The following TMC3 variants were observed in gnomAD, a reference collection of about 807,000 sequenced individuals.
TMC3 encodes transmembrane channel like 3.
TMC3 carries 98 observed loss-of-function variants against 110.6 expected under a neutral mutation model. The ratio of observed to expected loss-of-function variants is 0.89; its 90% confidence interval spans 0.75 to 1.05. The LOEUF (loss-of-function observed/expected upper bound fraction) is 1.05. Among genes scored for constraint, TMC3 ranks in the 50% least tolerant of loss-of-function variants. The pLI is 0.00. For synonymous variants in TMC3, 489 were observed against 513.1 expected, an observed-to-expected ratio of 0.95 and a Z score of 0.63; for missense variants, 1,319 against 1,373.2, an observed-to-expected ratio of 0.96 and a Z score of 0.62.
At chr15:81,340,950 G>A (rs1244804047) in intron 16 of TMC3, among the ~76,000 whole-genome samples, 5 of 152,214 alleles carry the variant, frequency 3.3e-5, no homozygotes, top group Non-Finnish European at 7.3e-5. Flanking sequence ...TACTGTGTGT[G>A]TGTGTGATTA....
At chr15:81,339,526 T>C (rs748878543) in intron 16 of TMC3, 22 bp from the exon 17 acceptor site, 1 of 1,553,468 alleles carries the variant, frequency 6.4e-7, no homozygotes, top group Admixed American at 1.9e-5. Context: ...TCAGATGTCA[T>C]GTGTTAAGTT....
intron 11 of TMC3, among the ~76,000 whole-genome samples, chr15:81,349,029 C>T (rs1345560348): frequency 6.6e-6 from 1 of 151,918 alleles, no homozygotes; most frequent in African/African-American, 2.4e-5. Flanking sequence ...CAGGGTTTCT[C>T]CATGTTGGTC....
intron 13 of TMC3, 104 bp from the exon 14 acceptor site, chr15:81,344,149 C>T: frequency 1.6e-6 from 2 of 1,242,976 alleles, no homozygotes; most frequent in Non-Finnish European, 2.2e-6. Context: ...GGGCCCCAGC[C>T]AGTGGGCCCC....
At position 81,344,854 on chromosome 15, in the gene TMC3, G is replaced by A; in HGVS notation, c.1430C>T (p.Ala477Val). The A allele has an allele frequency of 6.2e-7, 1 of 1,613,966 alleles. No homozygotes were observed. Among genetic ancestry groups the A allele is most frequent in the Non-Finnish European group, 8.5e-7 (1 of 1,179,894 alleles). ...GGCCTTTATAAGAGGCATGGTATAA[G>A]CTGAAATGCTGGTCTCTTCCAAGGC... ...TWALEETSIS[A>V]YTMPLIKANK... The change falls in exon 13 of 22, where the codon GCT (alanine) becomes GTT (valine). Residue 477 changes from alanine to valine, a missense_variant. Ala to Val is a moderately conservative substitution (Grantham distance 64). Coordinates refer to ENST00000359440, the MANE Select transcript of TMC3 (RefSeq NM_001080532.3).
At position 81,344,920 on chromosome 15, in the gene TMC3, G is replaced by A. The variant is rs1893793174; in HGVS notation, c.1364C>T (p.Thr455Ile). ...CCTGAGCCCCATTCCAGGCCGAGAT[G>A]TGGACCATTTCTCTTCTTCAGGGGC... ...RTAPEEEKWS[T>I]SRPGMGLRRN... The change falls in exon 13 of 22, where the codon ACA becomes ATA. Residue 455 changes from threonine to isoleucine, a missense_variant. Transcript: ENST00000359440. 45 of 1,613,758 alleles carry A rather than the reference G, an allele frequency of 2.8e-5. No individual in the cohort carries two copies. Among genetic ancestry groups the A allele is most frequent in the Non-Finnish European group, 3.7e-5 (44 of 1,179,870 alleles).
At chr15:81,338,903 C>A in intron 17 of TMC3, 123 bp from the exon 18 acceptor site, 1 of 1,059,630 alleles carries the variant, frequency 9.4e-7, no homozygotes, top group Non-Finnish European at 1.4e-6. Flanking sequence ...GATTTCATAT[C>A]TAATTAATAT....
intron 18 of TMC3, 132 bp from the exon 19 acceptor site, chr15:81,338,056 G>A (rs763204059): frequency 3.2e-5 from 22 of 694,910 alleles, no homozygotes; most frequent in Non-Finnish European, 5.4e-5. Flanking sequence ...CTGACCCTCC[G>A]CTAAGGACAA....
At chr15:81,354,862 T>C (rs895038155) in intron 9 of TMC3, among the ~76,000 whole-genome samples, 1 of 111,586 alleles carries the variant, frequency 9.0e-6, no homozygotes, top group Non-Finnish European at 1.7e-5. Flanking sequence ...TGGCACAGTA[T>C]GTTGTTATTA....
chr15:81,361,402 G>A (rs551849086), intron 4 of TMC3, among the ~76,000 whole-genome samples: 2 of 152,196 alleles, frequency 1.3e-5, no homozygotes, highest in South Asian at 4.1e-4. Flanking sequence ...GTCTGTCCCT[G>A]AATTTTTTGC....
At chr15:81,362,493 G>T (rs190433285) in intron 3 of TMC3, among the ~76,000 whole-genome samples, 192 bp from the exon 4 acceptor site, 1 of 152,120 alleles carries the variant, frequency 6.6e-6, no homozygotes, top group East Asian at 1.9e-4. Context: ...CCAGGTGAAT[G>T]GACACCAGCT....
intron 3 of TMC3, among the ~76,000 whole-genome samples, chr15:81,362,636 A>C (rs1262605527): frequency 6.6e-6 from 1 of 152,176 alleles, no homozygotes; most frequent in African/African-American, 2.4e-5. Context: ...ATTCCTGATG[A>C]GGGGTATCTC....
chr15:81,369,364 GC>G (rs1189138829), intron 2 of TMC3, among the ~76,000 whole-genome samples: 4 of 151,880 alleles, frequency 2.6e-5, no homozygotes, highest in African/African-American at 9.7e-5. Context: ...CATCTTAATA[GC>G]CCAGCCAATG....
chr15:81,337,518 C>T (rs1456337398), intron 19 of TMC3: 1 of 422,692 alleles, frequency 2.4e-6, no homozygotes, highest in East Asian at 4.7e-5. Flanking sequence ...CTCTCCCCTG[C>T]CAATCTACCA....
intron 12 of TMC3, among the ~76,000 whole-genome samples, chr15:81,345,516 C>T (rs748267938): frequency 3.9e-5 from 6 of 152,102 alleles, no homozygotes; most frequent in Non-Finnish European, 8.8e-5. Flanking sequence ...AAAAGAGCAC[C>T]CCCTGTCTTA....
At chr15:81,361,526 T>C (rs1415164223) in intron 4 of TMC3, among the ~76,000 whole-genome samples, 1 of 152,150 alleles carries the variant, frequency 6.6e-6, no homozygotes, top group Non-Finnish European at 1.5e-5. Context: ...CATTCTTCTT[T>C]ATAATTTTTT....
intron 16 of TMC3, among the ~76,000 whole-genome samples, chr15:81,341,136 C>T (rs1893704944): frequency 6.6e-6 from 1 of 152,118 alleles, no homozygotes; most frequent in Non-Finnish European, 1.5e-5. Context: ...GATTTGTGTA[C>T]TTTTTTTCTA....
chr15:81,352,171 C>T (rs151143151), intron 9 of TMC3, among the ~76,000 whole-genome samples: 4 of 152,154 alleles, frequency 2.6e-5, no homozygotes, highest in Non-Finnish European at 5.9e-5. Context: ...GTGGTATGCA[C>T]ATTAAAGATA....
At chr15:81,348,067 G>C (rs1893863455) in intron 11 of TMC3, among the ~76,000 whole-genome samples, 1 of 152,174 alleles carries the variant, frequency 6.6e-6, no homozygotes, top group South Asian at 2.1e-4. Context: ...AAGTTGTATT[G>C]GAACACGACC....
rs546594664 is a variant in TMC3, at chr15:81,365,532, G to A, written c.312+2721C>T. 5.5e-3 allele frequency among the ~76,000 whole-genome samples: 831 copies of A among 151,966 alleles called. 5 individuals are homozygous for A. Among genetic ancestry groups the A allele is most frequent in the African/African-American group, 0.019 (769 of 41,476 alleles). ...CTAAAAATACAAAAATTAGCCAGGC[G>A]TGGTGGCAGGCGCCTGTAATCCCAG... is the stretch of plus-strand genomic sequence containing the variant. On this transcript the variant is annotated intron_variant, in intron 3 of 21. Transcript: ENST00000359440.
Sources: allele counts gnomAD v4.1 joint callset (sites outside exome capture counted in the v4.1 genomes callset), GRCh38; gene constraint gnomAD v4.1.1; transcripts MANE v1.5; gene names NCBI Gene and HGNC (gene_info 2026-07-23, HGNC 2026-07-21).